Variants in PTPN12 observed in about 807,000 individuals in gnomAD.
PTPN12 encodes the protein tyrosine-protein phosphatase non-receptor type 12.
A neutral mutation model predicts 97.6 loss-of-function variants in PTPN12; 29 were observed. The ratio of observed to expected loss-of-function variants is 0.30; its 90% CI spans 0.22 to 0.41. The LOEUF (loss-of-function observed/expected upper bound fraction) is 0.41, where lower values mean the gene tolerates loss of function less well. PTPN12 is among the 10% of genes least tolerant of loss of function. The probability of loss-of-function intolerance (pLI) is 1.00; values close to 1 mark genes in which losing one functional copy is unlikely to be tolerated. For synonymous variants in PTPN12, 327 were observed against 300.4 expected (o/e 1.09, Z -0.91); for missense variants, 819 against 926.0 (o/e 0.88, Z 1.50).
At chr7:77,597,489 T>C (rs998379218) in intron 6 of PTPN12, among the ~76,000 whole-genome samples, 1 of 152,208 alleles carries the variant, frequency 6.6e-6, no homozygotes, top group African/African-American at 2.4e-5. Flanking sequence ...CACTTAGTAA[T>C]GTGCATTTAG....
At chr7:77,628,913 C>T (rs983621827) in intron 13 of PTPN12, among the ~76,000 whole-genome samples, 1 of 152,084 alleles carries the variant, frequency 6.6e-6, no homozygotes, top group African/African-American at 2.4e-5. Context: ...CTCACACATA[C>T]TGTATTTTTT....
At chr7:77,624,642 T>C (rs555596158) in intron 12 of PTPN12, among the ~76,000 whole-genome samples, 3 of 149,684 alleles carry the variant, frequency 2.0e-5, no homozygotes, top group Non-Finnish European at 4.4e-5. Context: ...GGTTTTGCCA[T>C]GTTGGTTAGG....
intron 12 of PTPN12, among the ~76,000 whole-genome samples, chr7:77,621,838 T>C (rs1365987372): frequency 2.0e-5 from 3 of 152,264 alleles, no homozygotes; most frequent in Admixed American, 2.0e-4. Flanking sequence ...TACAAATTCA[T>C]GGGAATTTTT....
intron 1 of PTPN12, among the ~76,000 whole-genome samples, chr7:77,542,186 C>T (rs375703701): frequency 2.6e-5 from 4 of 152,304 alleles, no homozygotes; most frequent in African/African-American, 7.2e-5. Flanking sequence ...TTTTATTCTA[C>T]AGACCGATAA....
intron 9 of PTPN12, among the ~76,000 whole-genome samples, chr7:77,610,449 T>TA (rs1788533270): frequency 6.6e-6 from 1 of 152,210 alleles, no homozygotes; most frequent in Non-Finnish European, 1.5e-5. Flanking sequence ...CTTCACTTTT[T>TA]ATGGGATAAC....
chr7:77,596,130 T>A (rs1344404236), intron 6 of PTPN12, among the ~76,000 whole-genome samples: 1 of 152,236 alleles, frequency 6.6e-6, no homozygotes, highest in Non-Finnish European at 1.5e-5. Flanking sequence ...TGGTTACTAC[T>A]TTGCAGATAT....
chr7:77,592,376 G>T, intron 6 of PTPN12, 120 bp downstream of exon 6: 3 of 812,200 alleles, frequency 3.7e-6, no homozygotes, highest in Non-Finnish European at 3.6e-6. Context: ...ACAAACCTAT[G>T]CTTACATTTA....
At chr7:77,571,797 A>T (rs1245662342) in intron 2 of PTPN12, among the ~76,000 whole-genome samples, 1 of 151,866 alleles carries the variant, frequency 6.6e-6, no homozygotes, top group Non-Finnish European at 1.5e-5. Flanking sequence ...AGCTCATACG[A>T]TCCTCCCACC....
At chr7:77,637,248 A>C (rs1269030058) in intron 16 of PTPN12, among the ~76,000 whole-genome samples, 200 bp downstream of exon 16, 2 of 152,332 alleles carry the variant, frequency 1.3e-5, no homozygotes, top group East Asian at 3.9e-4. Context: ...TGATCTGGAA[A>C]ATCATGGGAG....
chr7:77,566,241 GA>G (rs1229519553), intron 1 of PTPN12, among the ~76,000 whole-genome samples: 10 of 152,170 alleles, frequency 6.6e-5, no homozygotes, highest in African/African-American at 2.4e-4. Flanking sequence ...ATTATAAAAA[GA>G]GGCTAGAAAA....
Position 77,537,502 on chromosome 7 carries a change from G to GGGC in PTPN12, c.-39_-37dup. The GGGC allele has an allele frequency of 6.5e-7, 1 of 1,538,300 alleles. No homozygotes were observed. The highest frequency in any genetic ancestry group is 1.2e-5 in the South Asian group (1 of 83,368). ...GGAGCGGGCTCTGTGCCGGGCGGGCGGGCGGCGGGGGGGCCAGCGACCGCA... is the reference window on the plus strand; with the variant it reads ...GGAGCGGGCTCTGTGCCGGGCGGGCGGGCGGCGGCGGGGGGGCCAGCGACCGCA... On this transcript the variant is annotated 5_prime_UTR_variant, in exon 1 of 18. Transcript: ENST00000248594.
chr7:77,633,840 C>T (rs1441343456), intron 14 of PTPN12, among the ~76,000 whole-genome samples: 1 of 151,618 alleles, frequency 6.6e-6, no homozygotes, highest in Admixed American at 6.6e-5. Context: ...CTGGGCAACA[C>T]AGTGATACCT....
At chr7:77,605,736 T>TA (rs879322882) in intron 8 of PTPN12, among the ~76,000 whole-genome samples, 8 of 151,694 alleles carry the variant, frequency 5.3e-5, no homozygotes, top group Admixed American at 1.3e-4. Flanking sequence ...TGTTTTAAAA[T>TA]AAAAAAACCT....
intron 2 of PTPN12, 125 bp downstream of exon 2, chr7:77,571,311 C>T: frequency 1.6e-6 from 1 of 609,126 alleles, no homozygotes; most frequent in Non-Finnish European, 2.8e-6. Context: ...TTTCAAAGTA[C>T]ATGGAAAGAT....
intron 2 of PTPN12, among the ~76,000 whole-genome samples, chr7:77,580,587 CCTTT>C (rs1468677341): frequency 2.0e-5 from 3 of 151,978 alleles, no homozygotes; most frequent in Non-Finnish European, 2.9e-5. Flanking sequence ...TCACTTTATA[CCTTT>C]CTTTAAGGTC....
intron 12 of PTPN12, 101 bp from the exon 13 acceptor site, chr7:77,626,604 G>C: frequency 7.7e-7 from 1 of 1,302,554 alleles, no homozygotes; most frequent in Non-Finnish European, 1.0e-6. Flanking sequence ...TTCGCAACCA[G>C]ATTGTAATGG....
At chr7:77,583,427 A>G in intron 3 of PTPN12, 128 bp from the exon 4 acceptor site, 1 of 630,086 alleles carries the variant, frequency 1.6e-6, no homozygotes, top group East Asian at 2.8e-5. Flanking sequence ...TATGAAAGAC[A>G]CATTATTTGG....
intron 5 of PTPN12, among the ~76,000 whole-genome samples, chr7:77,589,976 G>A (rs1787813552): frequency 6.6e-6 from 1 of 152,170 alleles, no homozygotes; most frequent in Admixed American, 6.5e-5. Context: ...AATAGATTAT[G>A]AGCAAGTTAG....
intron 12 of PTPN12, among the ~76,000 whole-genome samples, chr7:77,624,935 G>A (rs1302780156): frequency 2.6e-4 from 39 of 150,804 alleles, no homozygotes. Context: ...AGGAGTTGGA[G>A]ACCAGCCTGG....
Sources: allele counts gnomAD v4.1 joint callset (sites outside exome capture counted in the v4.1 genomes callset), GRCh38; gene constraint gnomAD v4.1.1; transcripts MANE v1.5; gene names NCBI Gene and HGNC (gene_info 2026-07-23, HGNC 2026-07-21).